Variants in CALN1 observed in about 807,000 individuals in gnomAD.
CALN1 encodes the protein calcium-binding protein 8.
A neutral mutation model predicts 30.6 loss-of-function variants in CALN1; 17 were observed. The ratio of observed to expected loss-of-function variants is 0.56; its 90% CI spans 0.38 to 0.83. The LOEUF (loss-of-function observed/expected upper bound fraction) is 0.83. Ranked by LOEUF, CALN1 falls within the 40% of genes least tolerant of loss-of-function variation. The probability of loss-of-function intolerance (pLI) is 0.00; values close to 1 mark genes in which losing one functional copy is unlikely to be tolerated. For missense variants in CALN1, 291 were observed against 354.9 expected (o/e 0.82, Z 1.45); for synonymous variants, 156 against 131.4 (o/e 1.19, Z -1.28).
intron 2 of CALN1, among the ~76,000 whole-genome samples, chr7:72,373,512 T>C (rs931500455): frequency 2.6e-5 from 4 of 152,174 alleles, no homozygotes; most frequent in African/African-American, 9.7e-5. Context: ...TTCAGGACAG[T>C]ATTCAATAAA....
chr7:71,862,207 G>A (rs1389435479), intron 5 of CALN1, among the ~76,000 whole-genome samples: 1 of 152,210 alleles, frequency 6.6e-6, no homozygotes, highest in Non-Finnish European at 1.5e-5. Flanking sequence ...AATCTAGGGT[G>A]TGGCTGAAAT....
intron 5 of CALN1, among the ~76,000 whole-genome samples, chr7:71,957,097 A>C (rs535481782): frequency 7.5e-4 from 114 of 152,104 alleles, no homozygotes; most frequent in African/African-American, 2.6e-3. Context: ...ACACCGAGAG[A>C]AGCTCTGAAA....
chr7:71,850,261 G>T (rs1790560392), intron 5 of CALN1, among the ~76,000 whole-genome samples: 2 of 152,172 alleles, frequency 1.3e-5, no homozygotes. Flanking sequence ...TGTCACCCAG[G>T]CTGGAGTGCA....
chr7:71,980,185 T>G (rs564453606), intron 5 of CALN1, among the ~76,000 whole-genome samples: 1 of 145,248 alleles, frequency 6.9e-6, no homozygotes, highest in African/African-American at 2.6e-5. Context: ...CCTCTTCTTT[T>G]TCTTTTTTTT....
chr7:72,016,464 T>C (rs772386390), intron 5 of CALN1, among the ~76,000 whole-genome samples: 1 of 151,702 alleles, frequency 6.6e-6, no homozygotes, highest in Admixed American at 6.6e-5. Context: ...TGAGACAGAA[T>C]CTCCCTCTGT....
At chr7:72,202,646 G>A (rs74417446) in intron 3 of CALN1, among the ~76,000 whole-genome samples, 4,182 of 152,220 alleles carry the variant, frequency 0.027, 246 homozygotes, top group East Asian at 0.25. Context: ...AGAAACCCAA[G>A]GAGTAAACCA....
chr7:72,501,948 T>TATATATATATATATACACAC, the CALN1 span, among the ~76,000 whole-genome samples: 1 of 72,366 alleles, frequency 1.4e-5, no homozygotes, highest in African/African-American at 7.3e-5. Context: ...TATATATATA[T>TATATATATATATATACACAC]ACACACATAT....
chr7:71,993,128 C>T (rs1038694893), intron 5 of CALN1, among the ~76,000 whole-genome samples: 6 of 151,986 alleles, frequency 3.9e-5, no homozygotes, highest in African/African-American at 1.4e-4. Context: ...AGCCAGAAGG[C>T]AACATGGATG....
At chr7:72,271,704 T>G (rs992150315) in intron 3 of CALN1, among the ~76,000 whole-genome samples, 1 of 150,474 alleles carries the variant, frequency 6.6e-6, no homozygotes, top group Non-Finnish European at 1.5e-5. Context: ...AAGGCAGTGA[T>G]GGACTGCAAA....
chr7:72,323,555 C>A (rs1801048183), intron 2 of CALN1, among the ~76,000 whole-genome samples: 1 of 151,558 alleles, frequency 6.6e-6, no homozygotes, highest in Admixed American at 6.6e-5. Flanking sequence ...CCCAGCTACT[C>A]AGGAGGCCAA....
chr7:72,197,923 G>C (rs939683588), intron 3 of CALN1, among the ~76,000 whole-genome samples: 2 of 152,014 alleles, frequency 1.3e-5, no homozygotes, highest in Non-Finnish European at 2.9e-5. Flanking sequence ...GGCCTGCAGA[G>C]TTTCTGCATT....
At chr7:72,357,082 C>G (rs1803278505) in intron 2 of CALN1, among the ~76,000 whole-genome samples, 1 of 152,022 alleles carries the variant, frequency 6.6e-6, no homozygotes, top group Non-Finnish European at 1.5e-5. Flanking sequence ...AACAAAGGAA[C>G]TAATGATTAA....
intron 5 of CALN1, among the ~76,000 whole-genome samples, chr7:71,839,944 G>C (rs1423461032): frequency 6.6e-6 from 1 of 152,176 alleles, no homozygotes; most frequent in African/African-American, 2.4e-5. Context: ...CAGGTCACAT[G>C]CAGTGCCACG....
At chr7:71,906,171 T>A (rs13235673) in intron 5 of CALN1, among the ~76,000 whole-genome samples, 13,538 of 152,224 alleles carry the variant, frequency 0.089, 1,009 homozygotes, top group East Asian at 0.42. Context: ...GGACACTCCC[T>A]ATCATTGCTG....
chr7:72,108,287 T>A (rs1017368384), intron 3 of CALN1, among the ~76,000 whole-genome samples: 1 of 152,200 alleles, frequency 6.6e-6, no homozygotes, highest in Non-Finnish European at 1.5e-5. Flanking sequence ...TCCAAGATAA[T>A]CTCCCCATCT....
chr7:72,057,048 CT>C (rs1803300691), intron 4 of CALN1, among the ~76,000 whole-genome samples: 1 of 152,116 alleles, frequency 6.6e-6, no homozygotes, highest in South Asian at 2.1e-4. Flanking sequence ...TCAAGTGCCC[CT>C]CCTGCCTCAG....
chr7:71,809,282 G>C (rs1445553489), intron 6 of CALN1, among the ~76,000 whole-genome samples: 1 of 151,720 alleles, frequency 6.6e-6, no homozygotes, highest in Non-Finnish European at 1.5e-5. Flanking sequence ...GGGCTGATGG[G>C]AGCCTGGGTT....
intron 1 of CALN1, among the ~76,000 whole-genome samples, chr7:72,432,539 A>G (rs1036530157): frequency 2.0e-5 from 3 of 152,160 alleles, no homozygotes; most frequent in East Asian, 3.9e-4. Context: ...GCTGAAAGAA[A>G]GCTCAGGGCC....
chr7:72,343,497 G>C (rs1380413340), intron 2 of CALN1, among the ~76,000 whole-genome samples: 2 of 151,290 alleles, frequency 1.3e-5, no homozygotes, highest in East Asian at 3.9e-4. Context: ...GCAATGAGCT[G>C]AGATCAGCCA....
Sources: allele counts gnomAD v4.1 joint callset (sites outside exome capture counted in the v4.1 genomes callset), GRCh38; gene constraint gnomAD v4.1.1; transcripts MANE v1.5; gene names NCBI Gene and HGNC (gene_info 2026-07-23, HGNC 2026-07-21).